Variants in MMP7 observed in about 807,000 individuals in gnomAD.
MMP7 encodes the protein matrilysin.
Under a neutral mutation model 31.5 loss-of-function variants are expected in MMP7, and 26 were observed. That is an observed-to-expected ratio of 0.83 (90% CI 0.61 to 1.15). The LOEUF (loss-of-function observed/expected upper bound fraction) is 1.15. MMP7 is among the 50% of genes most tolerant of loss of function. The pLI is 0.00. For missense variants in MMP7, 367 were observed against 326.5 expected (o/e 1.12, Z -0.96); for synonymous variants, 142 against 124.2 (o/e 1.14, Z -0.95).
intron 3 of MMP7, chr11:102,527,287 C>T (rs1010321673): frequency 2.0e-6 from 1 of 508,028 alleles, no homozygotes; most frequent in Admixed American, 3.3e-5. Flanking sequence ...TTTACAAAAA[C>T]AGAAGGTGGG....
chr11:102,524,854 TA>T, intron 4 of MMP7, 81 bp downstream of exon 4: 1 of 1,455,410 alleles, frequency 6.9e-7, no homozygotes. Context: ...ATACTTATTA[TA>T]AATTAATATA....
At chr11:102,522,066 C>A (rs1858619487) in intron 5 of MMP7, among the ~76,000 whole-genome samples, 1 of 152,186 alleles carries the variant, frequency 6.6e-6, no homozygotes, top group Non-Finnish European at 1.5e-5. Flanking sequence ...TTGTTCAATA[C>A]TCCATACTCT....
At chr11:102,527,243 T>C in intron 3 of MMP7, 1 of 413,000 alleles carries the variant, frequency 2.4e-6, no homozygotes, top group Non-Finnish European at 4.4e-6. Context: ...AATAGGGAAA[T>C]GAAGGAGCCT....
At position 102,525,014 on chromosome 11, in the gene MMP7, C is replaced by CA. The variant is rs1190046788; in HGVS notation, c.534dup (p.Ala179CysfsTer16). 1.1e-5 allele frequency: 17 copies of CA among 1,613,746 alleles called. No homozygotes were observed. The highest frequency in any genetic ancestry group is 1.4e-5 in the Non-Finnish European group (17 of 1,179,912). On this transcript the variant is annotated frameshift_variant, in exon 4 of 6. Transcript: ENST00000260227. LOFTEE classifies it high-confidence loss of function. ...CCGAGACCTGTCCCAGGCGCAAAGG[C>CA]ATGAGCCAGCGTGTTTCCTGGCCCA... is the stretch of plus-strand genomic sequence containing the variant.
chr11:102,528,759 T>C (rs1858701421), intron 1 of MMP7, among the ~76,000 whole-genome samples: 1 of 152,166 alleles, frequency 6.6e-6, no homozygotes, highest in Non-Finnish European at 1.5e-5. Context: ...TCTCAGTATC[T>C]GAATATGAGG....
At position 102,527,600 on chromosome 11, in the gene MMP7, C is replaced by A; in HGVS notation, c.408G>T (p.Trp136Cys). 6.2e-7 allele frequency: 1 copy of A among 1,614,114 alleles called. No homozygotes were observed. Among genetic ancestry groups the A allele is most frequent in the Non-Finnish European group, 8.5e-7 (1 of 1,180,022 alleles). The change falls in exon 3 of 6, where the codon TGG becomes TGT. Residue 136 changes from tryptophan to cysteine, a missense_variant. Coordinates refer to ENST00000260227, the MANE Select transcript of MMP7 (RefSeq NM_002423.5). The part of the protein sequence containing the change: ...DRLVSKALNM[W>C]GKEIPLHFRK... Reference sequence around the variant, plus strand: ...TGAAATGCAGGGGGATCTCTTTGCCCCACATGTTTAAAGCCTTTGACACTA... The same window carrying A: ...TGAAATGCAGGGGGATCTCTTTGCCACACATGTTTAAAGCCTTTGACACTA...
At position 102,523,393 on chromosome 11, in the gene MMP7, A is replaced by G; in HGVS notation, c.622T>C (p.Phe208Leu). 6.2e-7 allele frequency: 1 copy of G among 1,601,178 alleles called. No homozygotes were observed. Among genetic ancestry groups the G allele is most frequent in the Admixed American group, 1.7e-5 (1 of 59,038 alleles). ...WTDGSSLGIN[F>L]LYAATHELGH... The stretch of plus-strand genomic sequence containing the variant: ...AGTTCATGAGTTGCAGCATACAGGA[A>G]GTTAATCCCTACAACCGAAGAAGTG... The change falls in exon 5 of 6, where the codon TTC (phenylalanine) becomes CTC (leucine). Residue 208 changes from phenylalanine (F) to leucine (L), a missense_variant. By Grantham distance (22) the Phe-to-Leu change is conservative. Coordinates refer to ENST00000260227, the MANE Select transcript of MMP7 (RefSeq NM_002423.5).
At chr11:102,524,409 C>A (rs947243488) in intron 4 of MMP7, 3 of 152,172 alleles carry the variant, frequency 2.0e-5, no homozygotes, top group Non-Finnish European at 4.4e-5. Context: ...TATACTAAAT[C>A]ATGGAGTTGG....
At chr11:102,521,414 G>A (rs573378823) in intron 5 of MMP7, among the ~76,000 whole-genome samples, 65 of 152,186 alleles carry the variant, frequency 4.3e-4, no homozygotes, top group African/African-American at 1.5e-3. Flanking sequence ...TCCAGGTCTC[G>A]AGCTCCTGGC....
At chr11:102,525,673 A>G (rs1179063272) in intron 3 of MMP7, among the ~76,000 whole-genome samples, 4 of 151,924 alleles carry the variant, frequency 2.6e-5, no homozygotes, top group African/African-American at 7.3e-5. Context: ...CTTTTGTTAA[A>G]TTTGACCACT....
In MMP7 at chr11:102,520,662, A is replaced by T; in HGVS notation, c.*114T>A. The T allele has an allele frequency of 1.2e-6, 1 of 834,844 alleles. No individual in the cohort carries two copies. Among genetic ancestry groups the T allele is most frequent in the East Asian group, 2.5e-5 (1 of 39,672 alleles). The allele number at this position is 834,844 out of a possible 1,614,324, so 51.7% of individuals were successfully genotyped here. On this transcript the variant is annotated 3_prime_UTR_variant, in exon 6 of 6. Transcript: ENST00000260227. ...GACATTCAAAAACCAACTGCAATAA[A>T]AAAGGGTGACATAATTGCTAAATGG...
chr11:102,525,399 G>A (rs1234548843), intron 3 of MMP7, among the ~76,000 whole-genome samples: 2 of 150,952 alleles, frequency 1.3e-5, no homozygotes, highest in African/African-American at 4.9e-5. Context: ...CTGAGATCGC[G>A]CCACTGCACT....
chr11:102,524,542 A>G (rs1030977179), intron 4 of MMP7: 3 of 152,664 alleles, frequency 2.0e-5, no homozygotes, highest in African/African-American at 7.2e-5. Context: ...AAAGAGCTAT[A>G]ATTTAATTAA....
Position 102,525,071 on chromosome 11 carries a change from GAA to G in MMP7, c.485-9_485-8del. Reference sequence around the variant, plus strand: ...GGGTAGGAGTCCCCATGAGCTGAAAGAAAATGGAGTGATTGTTCTTAGTGACT... The same window carrying G: ...GGGTAGGAGTCCCCATGAGCTGAAAGAATGGAGTGATTGTTCTTAGTGACT... On this transcript the variant is annotated splice_polypyrimidine_tract_variant and splice_region_variant and intron_variant, in intron 3 of 5. Transcript: ENST00000260227. 2 of 1,589,598 alleles carry G rather than the reference GAA, an allele frequency of 1.3e-6. No individual in the cohort carries two copies. Among genetic ancestry groups the G allele is most frequent in the Non-Finnish European group, 1.7e-6 (2 of 1,172,160 alleles).
Position 102,523,340 on chromosome 11 carries a change from G to C in MMP7, c.675C>G (p.Ser225=), listed in dbSNP as rs1858634445. 6.2e-7 allele frequency: 1 copy of C among 1,612,962 alleles called. No individual in the cohort carries two copies. Among genetic ancestry groups the C allele is most frequent in the African/African-American group, 1.3e-5 (1 of 74,884 alleles). Residue 225 remains serine, a synonymous_variant, in exon 5 of 6, where the codon TCC becomes TCG. Coordinates refer to ENST00000260227, the MANE Select transcript of MMP7 (RefSeq NM_002423.5). Reference sequence around the variant, plus strand: ...GATACATCACTGCATTAGGATCAGAGGAATGTCCCATACCCAAAGAATGGC... The same window carrying C: ...GATACATCACTGCATTAGGATCAGACGAATGTCCCATACCCAAAGAATGGC... ...ELGHSLGMGH[S]SDPNAVMYPT... is the part of the protein sequence containing the mutation.
Position 102,525,015 on chromosome 11 carries a change from A to T in MMP7, c.534T>A (p.His178Gln). 1 of 1,613,960 alleles carries T rather than the reference A, an allele frequency of 6.2e-7. No individual in the cohort carries two copies. Among genetic ancestry groups the T allele is most frequent in the East Asian group, 2.2e-5 (1 of 44,874 alleles). Residue 178 changes from histidine (H) to glutamine (Q), a missense_variant, in exon 4 of 6, where the codon CAT becomes CAA. Transcript: ENST00000260227. ...CGAGACCTGTCCCAGGCGCAAAGGC[A>T]TGAGCCAGCGTGTTTCCTGGCCCAT... ...PFDGPGNTLAHAFAPGTGLGG... is the reference protein window; with the variant it reads ...PFDGPGNTLAQAFAPGTGLGG...
intron 4 of MMP7, chr11:102,524,176 G>T (rs1232451152): frequency 6.6e-6 from 1 of 152,150 alleles, no homozygotes; most frequent in Non-Finnish European, 1.5e-5. Context: ...GAATATGCCA[G>T]ATGCAAATGG....
intron 5 of MMP7, 129 bp from the exon 6 acceptor site, chr11:102,520,933 T>A: frequency 3.2e-6 from 2 of 623,846 alleles, no homozygotes; most frequent in Non-Finnish European, 2.6e-6. Flanking sequence ...TTCTTGTCCC[T>A]GGGACAAAGA....
rs200159966 is a variant in MMP7, at chr11:102,527,532, G to A, written c.476C>T (p.Ala159Val). ...ACAGGAATCTTTCTTACCTCCTCGC[G>A]CAAAGCCAATCATGATGTCAGCAGT... ...WGTADIMIGF[A>V]RGAHGDSYPF... Residue 159 changes from alanine (A) to valine (V), a missense_variant, in exon 3 of 6, where the codon GCG (alanine) becomes GTG (valine). By Grantham distance (64) the Ala-to-Val change is moderately conservative. Transcript: ENST00000260227. The A allele has an allele frequency of 9.2e-5, 149 of 1,614,094 alleles. 1 individual carries two copies. Among genetic ancestry groups the A allele is most frequent in the Non-Finnish European group, 1.2e-4 (137 of 1,179,992 alleles).
Sources: gnomAD v4.1 joint callset for allele counts (sites outside exome capture counted in the v4.1 genomes callset) on GRCh38, gnomAD v4.1.1 for gene constraint, MANE v1.5 for transcripts, NCBI Gene and HGNC (gene_info 2026-07-23, HGNC 2026-07-21) for gene names.